The following PCDHA1 variants were observed in gnomAD, a reference collection of about 807,000 sequenced individuals.
The protein encoded by PCDHA1 is protocadherin alpha-1.
Under a neutral mutation model 61.3 loss-of-function variants are expected in PCDHA1, and 42 were observed. That is an observed-to-expected ratio of 0.69 (90% confidence interval 0.54 to 0.89). The LOEUF (loss-of-function observed/expected upper bound fraction) is 0.89. Ranked by LOEUF, PCDHA1 falls within the 40% of genes least tolerant of loss-of-function variation. PCDHA1 has a pLI of 0.00. For synonymous variants in PCDHA1, 610 were observed against 553.8 expected, an observed-to-expected ratio of 1.10 and a Z score of -1.43; for missense variants, 1,256 against 1,235.3, an observed-to-expected ratio of 1.02 and a Z score of -0.25.
At chr5:140,865,318 CT>C (rs1554159374) in intron 1 of PCDHA1, 1 of 152,042 alleles carries the variant, frequency 6.6e-6, no homozygotes, top group Non-Finnish European at 1.5e-5. Flanking sequence ...ATGAGATGGC[CT>C]TTAATTCTGT....
chr5:140,786,389 C>T lies in PCDHA1; in HGVS notation c.99C>T (p.Tyr33=), dbSNP rs1482712676. ...AGGTGGGGAGCGGCCAGCTCCACTA[C>T]TCGATCCCGGAGGAAGCCAAACACG... ...AWEVGSGQLH[Y]SIPEEAKHGT... The change falls in exon 1 of 4, where the codon TAC becomes TAT. Residue 33 remains tyrosine (Y), a synonymous_variant. Transcript: ENST00000504120. 2 of 1,613,668 alleles carry T rather than the reference C, an allele frequency of 1.2e-6. No homozygotes were observed. The highest frequency in any genetic ancestry group is 1.7e-6 in the Non-Finnish European group (2 of 1,180,040).
chr5:140,983,211 T>C (rs1429696975), intron 3 of PCDHA1, among the ~76,000 whole-genome samples: 1 of 152,204 alleles, frequency 6.6e-6, no homozygotes, highest in African/African-American at 2.4e-5. Context: ...AGGGACTATT[T>C]CCTAATCCAA....
At chr5:140,850,853 G>T in intron 1 of PCDHA1, 1 of 1,595,240 alleles carries the variant, frequency 6.3e-7, no homozygotes, top group Non-Finnish European at 8.6e-7. Context: ...CAGAGCGAAC[G>T]GGAGAACCCT....
intron 1 of PCDHA1, among the ~76,000 whole-genome samples, chr5:140,905,832 G>A (rs1292036271): frequency 1.3e-5 from 2 of 152,150 alleles, no homozygotes; most frequent in Non-Finnish European, 2.9e-5. Context: ...TGTATATAAA[G>A]GGGAGTTTAT....
intron 1 of PCDHA1, chr5:140,802,552 C>A: frequency 6.2e-7 from 1 of 1,614,198 alleles, no homozygotes; most frequent in South Asian, 1.1e-5. Flanking sequence ...AACGACAATG[C>A]GCCGGCATTC....
chr5:140,915,626 GTC>G (rs57920489), intron 1 of PCDHA1, among the ~76,000 whole-genome samples: 12,146 of 145,794 alleles, frequency 0.083, 491 homozygotes, highest in Middle Eastern at 0.12. Context: ...GTCTCTTTCT[GTC>G]TCTCTCTCTC....
intron 1 of PCDHA1, among the ~76,000 whole-genome samples, chr5:140,977,515 C>T (rs2096764078): frequency 6.6e-6 from 1 of 152,158 alleles, no homozygotes; most frequent in African/African-American, 2.4e-5. Context: ...ATTTTGTGAA[C>T]TTGAAAACAA....
chr5:140,848,815 A>G, intron 1 of PCDHA1: 4 of 1,591,096 alleles, frequency 2.5e-6, no homozygotes, highest in Non-Finnish European at 2.6e-6. Context: ...ATCCACCTGG[A>G]GGTGATCGTA....
At chr5:140,962,104 C>T (rs1387807188) in intron 1 of PCDHA1, among the ~76,000 whole-genome samples, 1 of 152,056 alleles carries the variant, frequency 6.6e-6, no homozygotes, top group Non-Finnish European at 1.5e-5. Context: ...CCAGGATGGT[C>T]TCGATCTCCT....
intron 3 of PCDHA1, among the ~76,000 whole-genome samples, chr5:140,982,882 C>CAGAGA (rs1353974224): frequency 6.6e-6 from 1 of 151,972 alleles, no homozygotes; most frequent in African/African-American, 2.4e-5. Context: ...CCAAGCCATG[C>CAGAGA]AGAGAAGATC....
chr5:140,848,535 C>G (rs2150412209), intron 1 of PCDHA1: 2 of 1,595,366 alleles, frequency 1.3e-6, no homozygotes, highest in South Asian at 2.2e-5. Context: ...GGGTCAGCCT[C>G]TACTGCTCTC....
chr5:140,824,612 T>TG (rs1423222096), intron 1 of PCDHA1: 8 of 117,268 alleles, frequency 6.8e-5, no homozygotes, highest in African/African-American at 3.2e-4. Context: ...TAATTAAAGT[T>TG]TTTTTTTTTT....
At chr5:140,985,154 G>T (rs2097139142) in intron 3 of PCDHA1, among the ~76,000 whole-genome samples, 1 of 152,086 alleles carries the variant, frequency 6.6e-6, no homozygotes, top group South Asian at 2.1e-4. Flanking sequence ...AGCCAGGATT[G>T]TCTCAATCTC....
At chr5:140,994,387 C>G (rs192635308) in intron 3 of PCDHA1, among the ~76,000 whole-genome samples, 1 of 152,174 alleles carries the variant, frequency 6.6e-6, no homozygotes, top group South Asian at 2.1e-4. Context: ...GGGACTAAGT[C>G]AGAGATTATT....
chr5:140,967,340 C>G, intron 1 of PCDHA1: 1 of 1,607,862 alleles, frequency 6.2e-7, no homozygotes. Flanking sequence ...CCCCAGCGAG[C>G]ACTTCGAGCT....
Position 140,822,183 on chromosome 5 carries a change from A to G in PCDHA1, c.2394+33499A>G, listed in dbSNP as rs150835917. The G allele has an allele frequency of 1.6e-4, 258 of 1,614,250 alleles. 1 individual carries two copies. The African/African-American group carries it at 3.0e-3, about 19-fold the overall frequency. ...ATCCGCCCAGGTTCTCCAGACAAGA[A>G]CAAAGATTATTCATTTTAGAGTCAA... On this transcript the variant is annotated intron_variant, in intron 1 of 3. Coordinates refer to ENST00000504120, the MANE Select transcript of PCDHA1 (RefSeq NM_018900.4).
At chr5:140,801,284 C>T (rs533577285) in intron 1 of PCDHA1, 1 of 1,613,564 alleles carries the variant, frequency 6.2e-7, no homozygotes, top group Non-Finnish European at 8.5e-7. Flanking sequence ...TGGGGAGCGG[C>T]CAGCTCCACT....
intron 1 of PCDHA1, among the ~76,000 whole-genome samples, chr5:140,912,536 A>G (rs1554195402): frequency 2.0e-5 from 3 of 152,290 alleles, no homozygotes; most frequent in African/African-American, 4.8e-5. Flanking sequence ...GTACATGATC[A>G]TATTGTCAGC....
At chr5:140,829,631 A>G (rs2150171714) in intron 1 of PCDHA1, 2 of 1,612,100 alleles carry the variant, frequency 1.2e-6, no homozygotes, top group East Asian at 2.2e-5. Flanking sequence ...GCACGCGGAG[A>G]GCGGCAAGGT....
Sources: gnomAD v4.1 joint callset for allele counts (sites outside exome capture counted in the v4.1 genomes callset) on GRCh38, gnomAD v4.1.1 for gene constraint, MANE v1.5 for transcripts, NCBI Gene and HGNC (gene_info 2026-07-23, HGNC 2026-07-21) for gene names.